The following BRINP2 variants were observed in gnomAD, a reference collection of about 807,000 sequenced individuals.
BRINP2 encodes the protein BMP/retinoic acid inducible neural specific 2.
BRINP2 carries 21 observed loss-of-function variants against 69.2 expected under a neutral mutation model. The ratio of observed to expected loss-of-function variants is 0.30; its 90% CI spans 0.22 to 0.44. The LOEUF is 0.44. Ranked by LOEUF, BRINP2 falls within the 20% of genes least tolerant of loss-of-function variation. The pLI is 1.00. For missense variants in BRINP2, 877 were observed against 986.0 expected (o/e 0.89, Z 1.48); for synonymous variants, 380 against 394.1 (o/e 0.96, Z 0.42).
At position 177,171,228 on chromosome 1, in the gene BRINP2, G is replaced by A. The variant is rs1647918686; in HGVS notation, c.-581G>A. Among the ~76,000 whole-genome samples the A allele has an allele frequency of 2.0e-5, 3 of 152,258 alleles. No individual in the cohort carries two copies. On this transcript the variant is annotated 5_prime_UTR_variant, in exon 1 of 8. The change creates a new upstream start codon in the 5' untranslated region. Coordinates refer to ENST00000361539, the MANE Select transcript of BRINP2 (RefSeq NM_021165.4). Reference sequence around the variant, plus strand: ...CCCATGTGCAAGGCAGTGATTTCGGGTGAGAGAGCGGGTGGGTGAGTCTCT... The same window carrying A: ...CCCATGTGCAAGGCAGTGATTTCGGATGAGAGAGCGGGTGGGTGAGTCTCT...
At chr1:177,275,371 A>G (rs1301459218) in intron 5 of BRINP2, among the ~76,000 whole-genome samples, 3 of 152,166 alleles carry the variant, frequency 2.0e-5, no homozygotes, top group Admixed American at 2.0e-4. Context: ...GGCATGACTG[A>G]TCTCAGGGCA....
chr1:177,264,303 G>A (rs546874178), intron 4 of BRINP2, among the ~76,000 whole-genome samples: 16 of 152,080 alleles, frequency 1.1e-4, no homozygotes, highest in African/African-American at 3.6e-4. Context: ...CTGATTTAAC[G>A]CATCTCACAA....
chr1:177,234,805 A>G (rs181718622), intron 2 of BRINP2, among the ~76,000 whole-genome samples: 58 of 152,364 alleles, frequency 3.8e-4, no homozygotes, highest in African/African-American at 1.1e-3. Context: ...AATTAAATAC[A>G]TATCTTTATT....
intron 1 of BRINP2, among the ~76,000 whole-genome samples, chr1:177,221,026 CTT>C (rs2102318319): frequency 6.6e-6 from 1 of 152,296 alleles, no homozygotes; most frequent in Non-Finnish European, 1.5e-5. Flanking sequence ...TTTCTTCAAT[CTT>C]GCAATTTTTA....
chr1:177,175,974 C>T (rs567373961), intron 1 of BRINP2, among the ~76,000 whole-genome samples: 2 of 152,310 alleles, frequency 1.3e-5, no homozygotes, highest in South Asian at 4.1e-4. Context: ...AAGAGACAGA[C>T]AGCCGAGTTA....
In BRINP2 at chr1:177,177,297, C is replaced by CAAACA. The variant is rs1553267447; in HGVS notation, c.-77+5567_-77+5568insACAAA. Among the ~76,000 whole-genome samples, 479 of 135,624 alleles carry CAAACA rather than the reference C, an allele frequency of 3.5e-3. 2 individuals are homozygous for CAAACA. The highest frequency in any genetic ancestry group is 0.012 in the African/African-American group (457 of 39,678). 89.0% of individuals were successfully genotyped at this position (135,624 alleles called of 152,430 possible). A position where few individuals can be genotyped will look rare whatever the true frequency, so the allele number is the denominator to read the frequency against. On this transcript the variant is annotated intron_variant, in intron 1 of 7. Transcript: ENST00000361539. Reference sequence around the variant, plus strand: ...CTCTTTATAAAAACAAACAAACAAACAACAACAACAACAACAACAACAACA... The same window carrying CAAACA: ...CTCTTTATAAAAACAAACAAACAAACAAACAAACAACAACAACAACAACAACAACA...
intron 2 of BRINP2, among the ~76,000 whole-genome samples, chr1:177,232,023 C>T (rs1649873641): frequency 6.6e-6 from 1 of 152,212 alleles, no homozygotes; most frequent in Non-Finnish European, 1.5e-5. Flanking sequence ...TGTGCTTAAG[C>T]AGAGAATCCC....
rs973000687 is a variant in BRINP2 at position 177,171,470 on chromosome 1, T to TGGCGGC, written c.-329_-324dup. 3.1e-5 allele frequency: 5 copies of TGGCGGC among 162,472 alleles called. No homozygotes were observed. Among genetic ancestry groups the TGGCGGC allele is most frequent in the African/African-American group, 7.2e-5 (3 of 41,570 alleles). The allele number at this position is 162,472 out of a possible 1,614,324, so 10.1% of individuals were successfully genotyped here. On this transcript the variant is annotated 5_prime_UTR_variant, in exon 1 of 8. Coordinates refer to ENST00000361539, the MANE Select transcript of BRINP2 (RefSeq NM_021165.4). ...GGTCTAACGTTGGCGGCGGTGGCGGTGGCGGCGGCGGCGGCACCGACAGTA... is the reference window on the plus strand; with the variant it reads ...GGTCTAACGTTGGCGGCGGTGGCGGTGGCGGCGGCGGCGGCGGCGGCACCGACAGTA...
At chr1:177,275,644 C>CA (rs1558186954) in intron 5 of BRINP2, among the ~76,000 whole-genome samples, 1 of 152,154 alleles carries the variant, frequency 6.6e-6, no homozygotes, top group Non-Finnish European at 1.5e-5. Context: ...ACTGTATCCC[C>CA]ACAATATCTG....
chr1:177,267,118 T>C (rs969385527), intron 4 of BRINP2, among the ~76,000 whole-genome samples: 17 of 152,322 alleles, frequency 1.1e-4, no homozygotes, highest in African/African-American at 4.1e-4. Context: ...TGCAAGTACA[T>C]ATAAGCATGC....
intron 1 of BRINP2, among the ~76,000 whole-genome samples, chr1:177,172,332 G>A (rs1647960893): frequency 6.6e-6 from 1 of 152,224 alleles, no homozygotes; most frequent in African/African-American, 2.4e-5. Flanking sequence ...GAGCACTGGA[G>A]ACACTAGGGA....
intron 4 of BRINP2, among the ~76,000 whole-genome samples, chr1:177,261,165 T>G (rs1650936270): frequency 7.1e-6 from 1 of 140,690 alleles, no homozygotes; most frequent in Non-Finnish European, 1.6e-5. Context: ...AGAAAGGCAG[T>G]GAGGCTGGCA....
intron 2 of BRINP2, among the ~76,000 whole-genome samples, chr1:177,242,080 G>A (rs1558173064): frequency 6.6e-6 from 1 of 152,118 alleles, no homozygotes. Flanking sequence ...ATGAACAGCC[G>A]GTATGAACAG....
At chr1:177,245,276 G>A (rs1351358984) in intron 2 of BRINP2, among the ~76,000 whole-genome samples, 3 of 151,866 alleles carry the variant, frequency 2.0e-5, no homozygotes, top group Non-Finnish European at 2.9e-5. Context: ...AAGAAAGAAC[G>A]TTGACAAGCT....
At chr1:177,237,886 C>T (rs957878833) in intron 2 of BRINP2, among the ~76,000 whole-genome samples, 2 of 152,122 alleles carry the variant, frequency 1.3e-5, no homozygotes, top group African/African-American at 4.8e-5. Flanking sequence ...TTTTTTCTCT[C>T]TCTCTTTAAG....
intron 2 of BRINP2, among the ~76,000 whole-genome samples, chr1:177,231,137 C>T (rs1649851290): frequency 6.6e-6 from 1 of 152,086 alleles, no homozygotes; most frequent in Non-Finnish European, 1.5e-5. Flanking sequence ...TGTTTTTGGA[C>T]CTGTTGTTAG....
intron 5 of BRINP2, among the ~76,000 whole-genome samples, chr1:177,274,285 G>C (rs1406821563): frequency 1.3e-5 from 2 of 152,170 alleles, no homozygotes; most frequent in South Asian, 4.2e-4. Context: ...AGGCATCCTG[G>C]GGGCAGGGCT....
chr1:177,181,621 T>C (rs1648251459), intron 1 of BRINP2, among the ~76,000 whole-genome samples: 1 of 152,184 alleles, frequency 6.6e-6, no homozygotes, highest in South Asian at 2.1e-4. Context: ...GTGAGGACTG[T>C]GGGGGCAGCT....
chr1:177,203,825 A>T (rs1338616242), intron 1 of BRINP2, among the ~76,000 whole-genome samples: 1 of 152,238 alleles, frequency 6.6e-6, no homozygotes, highest in Non-Finnish European at 1.5e-5. Flanking sequence ...ATCCAAACAA[A>T]TATGTACAAT....
Sources: gnomAD v4.1 joint callset for allele counts (sites outside exome capture counted in the v4.1 genomes callset) on GRCh38, gnomAD v4.1.1 for gene constraint, MANE v1.5 for transcripts, NCBI Gene and HGNC (gene_info 2026-07-23, HGNC 2026-07-21) for gene names.